Variants in LHFPL3 observed in about 807,000 individuals in gnomAD.
LHFPL3 encodes LHFPL tetraspan subfamily member 3.
A neutral mutation model predicts 19.3 loss-of-function variants in LHFPL3; 5 were observed. The observed-to-expected ratio is 0.26, with a 90% CI of 0.14 to 0.54. LHFPL3 has a LOEUF of 0.54. LHFPL3 is among the 20% of genes least tolerant of loss of function. LHFPL3 has a pLI of 0.94. For synonymous variants in LHFPL3, 133 were observed against 126.2 expected, an observed-to-expected ratio of 1.05 and a Z score of -0.36; for missense variants, 249 against 307.4, an observed-to-expected ratio of 0.81 and a Z score of 1.42.
At chr7:104,652,196 C>T (rs1231826969) in intron 1 of LHFPL3, among the ~76,000 whole-genome samples, 1 of 152,030 alleles carries the variant, frequency 6.6e-6, no homozygotes, top group South Asian at 2.1e-4. Context: ...ACTCAAAAAG[C>T]TGACTTGACA....
At chr7:104,437,788 G>T (rs900233386) in intron 1 of LHFPL3, among the ~76,000 whole-genome samples, 1 of 152,134 alleles carries the variant, frequency 6.6e-6, no homozygotes, top group Admixed American at 6.6e-5. Flanking sequence ...GCACCTCCCA[G>T]AACCTCCATG....
chr7:104,858,269 G>A (rs1273218393), intron 2 of LHFPL3, among the ~76,000 whole-genome samples: 1 of 152,116 alleles, frequency 6.6e-6, no homozygotes, highest in African/African-American at 2.4e-5. Flanking sequence ...ATCCCCTCTC[G>A]AAGGTAAATA....
intron 1 of LHFPL3, among the ~76,000 whole-genome samples, chr7:104,730,112 T>C (rs923913018): frequency 6.6e-6 from 1 of 152,232 alleles, no homozygotes; most frequent in Non-Finnish European, 1.5e-5. Flanking sequence ...CCATGGTGTA[T>C]GTGTGCCACA....
intron 2 of LHFPL3, among the ~76,000 whole-genome samples, chr7:104,836,122 TAAC>T (rs1408154007): frequency 2.0e-5 from 3 of 152,076 alleles, no homozygotes; most frequent in Non-Finnish European, 4.4e-5. Flanking sequence ...ACCACAATGA[TAAC>T]AAAGATTTCT....
At chr7:104,551,990 G>A (rs1794669950) in intron 1 of LHFPL3, among the ~76,000 whole-genome samples, 2 of 152,162 alleles carry the variant, frequency 1.3e-5, no homozygotes, top group African/African-American at 4.8e-5. Context: ...TGCTTCTGTG[G>A]AGGACTACCT....
chr7:104,639,209 T>G (rs1055514331), intron 1 of LHFPL3, among the ~76,000 whole-genome samples: 2 of 152,160 alleles, frequency 1.3e-5, no homozygotes, highest in Non-Finnish European at 1.5e-5. Context: ...GGTCCTGGGC[T>G]TTTTTTGGAT....
At chr7:104,856,620 T>C (rs1337186680) in intron 2 of LHFPL3, among the ~76,000 whole-genome samples, 5 of 152,216 alleles carry the variant, frequency 3.3e-5, no homozygotes, top group African/African-American at 1.2e-4. Flanking sequence ...CTCTAGACAC[T>C]TTCACTAATT....
chr7:104,413,389 A>G (rs961602732), intron 1 of LHFPL3, among the ~76,000 whole-genome samples: 2 of 152,168 alleles, frequency 1.3e-5, no homozygotes, highest in Non-Finnish European at 2.9e-5. Flanking sequence ...CCATCCATCT[A>G]AAAACAGTTA....
intron 1 of LHFPL3, among the ~76,000 whole-genome samples, chr7:104,334,106 T>TGTCTTG (rs775190813): frequency 5.9e-5 from 9 of 152,340 alleles, no homozygotes; most frequent in Non-Finnish European, 8.8e-5. Flanking sequence ...TTGCTGTTGT[T>TGTCTTG]GTCTTGCTAT....
At chr7:104,868,032 T>C (rs1791762945) in intron 2 of LHFPL3, among the ~76,000 whole-genome samples, 1 of 152,196 alleles carries the variant, frequency 6.6e-6, no homozygotes, top group African/African-American at 2.4e-5. Context: ...TCAACAACCC[T>C]TCATGCTAAA....
rs771636444 is a variant in LHFPL3 at position 104,736,869 on chromosome 7, C to G, written c.640C>G (p.Gln214Glu). Residue 214 changes from glutamine to glutamate, a missense_variant, in exon 2 of 3, where the codon CAA becomes GAA. Physicochemically the swap from Gln to Glu is conservative, Grantham distance 29. Coordinates refer to ENST00000424859, the MANE Select transcript of LHFPL3 (RefSeq NM_199000.3). ...TCTAGCATTTGTGCTTGGTAATCGA[C>G]AAGACAGCTTGATGGCAGAGGAACT... Reference protein sequence around the residue: ...SFLAFVLGNRQDSLMAEELKA... With the variant: ...SFLAFVLGNREDSLMAEELKA... The G allele has an allele frequency of 9.9e-6, 16 of 1,611,034 alleles. No individual in the cohort carries two copies. In the South Asian group the frequency reaches 1.0e-4, roughly 10 times the overall value.
At chr7:104,336,290 C>G (rs1319210821) in intron 1 of LHFPL3, among the ~76,000 whole-genome samples, 1 of 152,028 alleles carries the variant, frequency 6.6e-6, no homozygotes, top group Non-Finnish European at 1.5e-5. Flanking sequence ...ACATAATGCT[C>G]TTATAAAAAG....
At chr7:104,380,910 A>G (rs953267122) in intron 1 of LHFPL3, among the ~76,000 whole-genome samples, 2 of 152,356 alleles carry the variant, frequency 1.3e-5, no homozygotes, top group South Asian at 4.1e-4. Flanking sequence ...CACTGTGAAC[A>G]TTGAAATCAG....
intron 1 of LHFPL3, among the ~76,000 whole-genome samples, chr7:104,435,609 T>G (rs901000800): frequency 2.0e-5 from 3 of 151,652 alleles, no homozygotes; most frequent in East Asian, 3.9e-4. Context: ...AGAAACACAC[T>G]GTTACACTTT....
chr7:104,590,323 C>T (rs1562943568), intron 1 of LHFPL3, among the ~76,000 whole-genome samples: 1 of 152,090 alleles, frequency 6.6e-6, no homozygotes, highest in African/African-American at 2.4e-5. Flanking sequence ...TCTTTGTTCT[C>T]GTTGGTTTCA....
chr7:104,550,874 C>A (rs969423730), intron 1 of LHFPL3, among the ~76,000 whole-genome samples: 1 of 152,134 alleles, frequency 6.6e-6, no homozygotes, highest in Non-Finnish European at 1.5e-5. Context: ...GTCCTTGATA[C>A]TTCTTTTTTT....
intron 1 of LHFPL3, among the ~76,000 whole-genome samples, chr7:104,569,696 G>T (rs542357011): frequency 1.6e-4 from 24 of 152,252 alleles, no homozygotes; most frequent in African/African-American, 5.3e-4. Flanking sequence ...ACAATGTTCA[G>T]TGGTGGCTAT....
intron 1 of LHFPL3, among the ~76,000 whole-genome samples, chr7:104,593,681 T>C (rs1790777571): frequency 6.6e-6 from 1 of 152,206 alleles, no homozygotes; most frequent in Non-Finnish European, 1.5e-5. Flanking sequence ...TCTAAGTCTC[T>C]TTGTAGGTCT....
chr7:104,401,155 T>G (rs564531126), intron 1 of LHFPL3, among the ~76,000 whole-genome samples: 1 of 152,198 alleles, frequency 6.6e-6, no homozygotes, highest in Non-Finnish European at 1.5e-5. Context: ...AGTAATCAGT[T>G]ATATGTGGAG....
Sources: allele counts gnomAD v4.1 joint callset (sites outside exome capture counted in the v4.1 genomes callset), GRCh38; gene constraint gnomAD v4.1.1; transcripts MANE v1.5; gene names NCBI Gene and HGNC (gene_info 2026-07-23, HGNC 2026-07-21).